Variants in MCM8 observed in about 807,000 individuals in gnomAD.
MCM8 encodes DNA helicase MCM8.
A neutral mutation model predicts 98.9 loss-of-function variants in MCM8; 85 were observed. The ratio of observed to expected loss-of-function variants is 0.86; its 90% CI spans 0.72 to 1.03. MCM8 has a LOEUF of 1.03. Among genes scored for constraint, MCM8 ranks in the 50% least tolerant of loss-of-function variants. The pLI, the probability that MCM8 is intolerant of heterozygous loss-of-function variation, is 0.00. For missense variants in MCM8, 951 were observed against 997.8 expected (o/e 0.95, Z 0.63); for synonymous variants, 352 against 338.6 (o/e 1.04, Z -0.44).
chr20:5,976,575 T>G (rs2089515927), intron 12 of MCM8, among the ~76,000 whole-genome samples: 1 of 152,084 alleles, frequency 6.6e-6, no homozygotes, highest in South Asian at 2.1e-4. Context: ...TACAAAAAAA[T>G]AAACAGTTCC....
At position 5,987,325 on chromosome 20, in the gene MCM8, A is replaced by G. The variant is rs1196927846; in HGVS notation, c.2207A>G (p.Asp736Gly). 6.2e-7 allele frequency: 1 copy of G among 1,613,352 alleles called. No homozygotes were observed. ...LELREEATKE[D>G]AEDIVEIMKY... is the part of the protein sequence containing the mutation. ...TTGAGAGAGGAAGCAACCAAAGAAG[A>G]CGCTGAGGATATAGTGGAAATTATG... Residue 736 changes from aspartate to glycine, a missense_variant, in exon 17 of 19, where the codon GAC becomes GGC. Asp to Gly is a moderately conservative substitution (Grantham distance 94). Coordinates refer to ENST00000610722, the MANE Select transcript of MCM8 (RefSeq NM_032485.6).
At position 5,986,121 on chromosome 20, in the gene MCM8, G is replaced by A. The variant is rs772901194; in HGVS notation, c.2153G>A (p.Arg718His). ...ACCAGGCAGCTGGAATCTTTGATTC[G>A]TCTGACAGAGGTTTGTTTCTTTTTA... Reference protein sequence around the residue: ...ITTRQLESLIRLTEARARLEL... With the variant: ...ITTRQLESLIHLTEARARLEL... The change falls in exon 16 of 19, where the codon CGT (arginine) becomes CAT (histidine). Residue 718 changes from arginine (R) to histidine (H), a missense_variant. Transcript: ENST00000610722. 6.2e-6 allele frequency: 10 copies of A among 1,614,018 alleles called. No individual in the cohort carries two copies. The highest frequency in any genetic ancestry group is 2.2e-5 in the East Asian group (1 of 44,892).
intron 13 of MCM8, among the ~76,000 whole-genome samples, chr20:5,982,526 A>T (rs933198566): frequency 6.6e-6 from 1 of 152,188 alleles, no homozygotes; most frequent in African/African-American, 2.4e-5. Context: ...CTATAAGTGC[A>T]TACAAGTGTA....
At chr20:5,981,597 T>G (rs1306569514) in intron 13 of MCM8, among the ~76,000 whole-genome samples, 1 of 152,154 alleles carries the variant, frequency 6.6e-6, no homozygotes, top group Non-Finnish European at 1.5e-5. Flanking sequence ...AAAAGCGTAT[T>G]GACAAGAATT....
rs1245186231 is a variant in MCM8, at chr20:5,958,723, A to G, written c.786A>G (p.Thr262=). ...PLPDGKYSLP[T]KCPVPVCRGR... ...CAGATGGAAAATACAGTCTTCCCAC[A>G]AAGGTAATACGTTCTTTAACTGCTT... Residue 262 remains threonine (T), a synonymous_variant, in exon 7 of 19, where the codon ACA becomes ACG. Coordinates refer to ENST00000610722, the MANE Select transcript of MCM8 (RefSeq NM_032485.6). The G allele has an allele frequency of 2.5e-6, 4 of 1,614,036 alleles. No individual in the cohort carries two copies. The highest frequency in any genetic ancestry group is 3.4e-6 in the Non-Finnish European group (4 of 1,179,912).
chr20:5,978,399 G>C (rs1568589414), intron 13 of MCM8, among the ~76,000 whole-genome samples: 1 of 152,148 alleles, frequency 6.6e-6, no homozygotes, highest in Non-Finnish European at 1.5e-5. Context: ...CTTGTGGACT[G>C]CCATGTTCCC....
intron 12 of MCM8, among the ~76,000 whole-genome samples, chr20:5,977,560 AAAATGAAGCAT>A (rs1398894114): frequency 6.6e-5 from 10 of 152,236 alleles, no homozygotes; most frequent in Admixed American, 4.6e-4. Context: ...TTCGAACTTG[AAAATGAAGCAT>A]AAATTGGAAT....
intron 4 of MCM8, 41 bp from the exon 5 acceptor site, chr20:5,955,061 C>A: frequency 7.0e-7 from 1 of 1,437,226 alleles, no homozygotes; most frequent in Non-Finnish European, 9.7e-7. Flanking sequence ...TAATTGACTA[C>A]AGAAAAGCAA....
chr20:5,952,230 G>A (rs2088849987), intron 2 of MCM8, 67 bp downstream of exon 2: 6 of 1,592,550 alleles, frequency 3.8e-6, no homozygotes, highest in African/African-American at 1.3e-5. Flanking sequence ...ATCATACAAG[G>A]CGGTTTATCT....
chr20:5,968,007 T>C lies in MCM8; in HGVS notation c.1205T>C (p.Leu402Pro). The change falls in exon 10 of 19, where the codon CTG becomes CCG. Residue 402 changes from leucine to proline, a missense_variant. Transcript: ENST00000610722. ...CAAGAGATTCAAGCTGAAGAAAACC[T>C]GTTTAAACTCATTGTCAAGTATGTA... ...AIQEIQAEEN[L>P]FKLIVNSLCP... 6.2e-7 allele frequency: 1 copy of C among 1,609,538 alleles called. No individual in the cohort carries two copies.
At position 5,952,368 on chromosome 20, in the gene MCM8, C is replaced by T. The variant is rs2088854336; in HGVS notation, c.149-56C>T. On this transcript the variant is annotated intron_variant, in intron 2 of 18. Transcript: ENST00000610722. ...TGAGAGTCTCATTTGGAAAGAGAAG[C>T]ATATTGGAAAAATGTTCACTCTGTT... 5 of 1,586,356 alleles carry T rather than the reference C, an allele frequency of 3.2e-6. No individual in the cohort carries two copies. In the South Asian group the frequency reaches 5.6e-5, roughly 18 times the overall value.
rs967726539 is a variant in MCM8 at position 5,984,340 on chromosome 20, C to T, written c.1734-441C>T. On this transcript the variant is annotated intron_variant, in intron 14 of 18. Transcript: ENST00000610722. ...TTACCACCACCACCAAAAAAATCAA[C>T]CTACTAGTAGTTTTTCTTTAGTAAA... Among the ~76,000 whole-genome samples the T allele has an allele frequency of 3.9e-5, 6 of 152,110 alleles. No individual in the cohort carries two copies. The South Asian group carries it at 1.0e-3, about 26-fold the overall frequency.
At chr20:5,977,488 A>G (rs2089536234) in intron 12 of MCM8, among the ~76,000 whole-genome samples, 1 of 152,210 alleles carries the variant, frequency 6.6e-6, no homozygotes, top group Non-Finnish European at 1.5e-5. Flanking sequence ...TCACTTTATT[A>G]CCTGATGTTT....
At chr20:5,981,860 GACA>G (rs1181547825) in intron 13 of MCM8, among the ~76,000 whole-genome samples, 2 of 152,080 alleles carry the variant, frequency 1.3e-5, no homozygotes, top group Non-Finnish European at 2.9e-5. Flanking sequence ...GGCTATGAGA[GACA>G]AATTGATGAC....
intron 17 of MCM8, among the ~76,000 whole-genome samples, chr20:5,988,051 A>G (rs1472972225): frequency 3.9e-5 from 6 of 152,216 alleles, no homozygotes; most frequent in African/African-American, 1.4e-4. Context: ...ATATATGTTT[A>G]CCTTAGACAT....
intron 13 of MCM8, among the ~76,000 whole-genome samples, chr20:5,981,560 G>GA (rs1195959988): frequency 6.6e-6 from 1 of 151,862 alleles, no homozygotes; most frequent in Non-Finnish European, 1.5e-5. Flanking sequence ...AGCTGGAAAG[G>GA]AAAAAATGGG....
intron 13 of MCM8, among the ~76,000 whole-genome samples, chr20:5,978,831 A>C (rs2089571028): frequency 6.6e-6 from 1 of 152,204 alleles, no homozygotes; most frequent in Admixed American, 6.5e-5. Context: ...TGCTGAGATT[A>C]CAGGCTACAG....
intron 10 of MCM8, among the ~76,000 whole-genome samples, chr20:5,968,660 A>G (rs1048068626): frequency 3.9e-5 from 6 of 152,242 alleles, no homozygotes; most frequent in Non-Finnish European, 7.3e-5. Flanking sequence ...AGAGTTGAAT[A>G]GTTGTGACAG....
In MCM8 at chr20:5,994,747, A is replaced by AAAAC. The variant is rs902670642; in HGVS notation, c.*359_*360insCAAA. 7 of 452,496 alleles carry AAAAC rather than the reference A, an allele frequency of 1.5e-5. No homozygotes were observed. Among genetic ancestry groups the AAAAC allele is most frequent in the Non-Finnish European group, 2.6e-5 (6 of 226,816 alleles). The allele number at this position is 452,496 out of a possible 1,614,324, so 28.0% of individuals were successfully genotyped here. On this transcript the variant is annotated 3_prime_UTR_variant, in exon 19 of 19. Coordinates refer to ENST00000610722, the MANE Select transcript of MCM8 (RefSeq NM_032485.6). ...GACCCCATTTCTTAAAAAAAAAAAA[A>AAAAC]AAAAATTTAAACTTAGCTGGGTATG...
Sources: gnomAD v4.1 joint callset for allele counts (sites outside exome capture counted in the v4.1 genomes callset) on GRCh38, gnomAD v4.1.1 for gene constraint, MANE v1.5 for transcripts, NCBI Gene and HGNC (gene_info 2026-07-23, HGNC 2026-07-21) for gene names.